The following NSL1 variants were observed in gnomAD, a reference collection of about 807,000 sequenced individuals.
NSL1 encodes the protein NSL1 component of MIS12 kinetochore complex, also known as kinetochore-associated protein NSL1 homolog.
A neutral mutation model predicts 25.4 loss-of-function variants in NSL1; 11 were observed. The observed-to-expected ratio is 0.43, with a 90% CI of 0.27 to 0.72. NSL1 has a LOEUF of 0.72. Ranked by LOEUF, NSL1 falls within the 30% of genes least tolerant of loss-of-function variation. NSL1 has a pLI of 0.19. For synonymous variants in NSL1, 118 were observed against 120.6 expected (o/e 0.98, Z 0.14); for missense variants, 330 against 342.7 (o/e 0.96, Z 0.29).
Position 212,729,494 on chromosome 1 carries a change from T to C in NSL1, c.*8914A>G. 1 of 985,408 alleles carries C rather than the reference T, an allele frequency of 1.0e-6. No individual in the cohort carries two copies. Among genetic ancestry groups the C allele is most frequent in the Non-Finnish European group, 1.2e-6 (1 of 829,908 alleles). The allele number at this position is 985,408 out of a possible 1,614,324, so 61.0% of individuals were successfully genotyped here. The stretch of plus-strand genomic sequence containing the variant: ...ATGGCTGGGAAAGATCCTGAGGCTC[T>C]GGAGCTGGGGTGTATGGGACCTGGA... On this transcript the variant is annotated 3_prime_UTR_variant, in exon 6 of 6. Transcript: ENST00000366977.
At position 212,736,910 on chromosome 1, in the gene NSL1, C is replaced by T; in HGVS notation, c.*1498G>A. ...ACCATGTTCTTATATAATCAAAATGCAAGTAGCTTATATAATCTAATAGAA... is the reference window on the plus strand; with the variant it reads ...ACCATGTTCTTATATAATCAAAATGTAAGTAGCTTATATAATCTAATAGAA... On this transcript the variant is annotated 3_prime_UTR_variant, in exon 6 of 6. Transcript: ENST00000366977. The T allele has an allele frequency of 1.0e-6, 1 of 984,292 alleles. No homozygotes were observed. The highest frequency in any genetic ancestry group is 1.7e-5 in the African/African-American group (1 of 57,320). 61.0% of individuals were successfully genotyped at this position (984,292 alleles called of 1,614,324 possible).
rs547434916 is a variant in NSL1 at position 212,726,953 on chromosome 1, G to A, written c.*11455C>T. Reference sequence around the variant, plus strand: ...TTCCCGTCCTGTCTCTTCATGGTGGGTGAAGAGCACAGGGAGAGTGTGCTT... The same window carrying A: ...TTCCCGTCCTGTCTCTTCATGGTGGATGAAGAGCACAGGGAGAGTGTGCTT... On this transcript the variant is annotated 3_prime_UTR_variant, in exon 6 of 6. Coordinates refer to ENST00000366977, the MANE Select transcript of NSL1 (RefSeq NM_015471.4). The A allele has an allele frequency of 2.7e-5, 15 of 545,826 alleles. No homozygotes were observed. In the South Asian group the frequency reaches 4.1e-4, roughly 15 times the overall value. 33.8% of individuals were successfully genotyped at this position (545,826 alleles called of 1,614,324 possible). A position where few individuals can be genotyped will look rare whatever the true frequency, so the allele number is the denominator to read the frequency against.
rs1326307557 is a variant in NSL1, at chr1:212,733,274, A to C, written c.*5134T>G. 6.6e-6 allele frequency among the ~76,000 whole-genome samples: 1 copy of C among 152,078 alleles called. No homozygotes were observed. Among genetic ancestry groups the C allele is most frequent in the African/African-American group, 2.4e-5 (1 of 41,402 alleles). On this transcript the variant is annotated 3_prime_UTR_variant, in exon 6 of 6. Transcript: ENST00000366977. ...TAGCGAAACTCCGTCTCTACAAAAA[A>C]TACAAAAATTAGCTGGGCATGATGG...
At chr1:212,771,990 C>A (rs1348710655) in intron 4 of NSL1, among the ~76,000 whole-genome samples, 1 of 152,144 alleles carries the variant, frequency 6.6e-6, no homozygotes, top group Non-Finnish European at 1.5e-5. Flanking sequence ...CTCCATACTG[C>A]TCTTGTAACA....
intron 4 of NSL1, among the ~76,000 whole-genome samples, chr1:212,755,201 C>T (rs904969786): frequency 8.5e-5 from 13 of 152,070 alleles, no homozygotes; most frequent in African/African-American, 3.1e-4. Context: ...AAATGCTACA[C>T]AGCTCCAATA....
chr1:212,759,680 C>T (rs893836802), intron 4 of NSL1, among the ~76,000 whole-genome samples: 1 of 152,150 alleles, frequency 6.6e-6, no homozygotes, highest in African/African-American at 2.4e-5. Context: ...GCCCAAAAGC[C>T]CCTACATCTC....
chr1:212,786,109 C>G (rs1467204979), intron 2 of NSL1, among the ~76,000 whole-genome samples: 1 of 138,528 alleles, frequency 7.2e-6, no homozygotes, highest in Admixed American at 7.1e-5. Context: ...CCTTTCCTCC[C>G]TCCTTCTTTC....
At position 212,737,315 on chromosome 1, in the gene NSL1, G is replaced by A. The variant is rs1444877079; in HGVS notation, c.*1093C>T. ...CTTCTGGTGACTTCTGGTGAATCTAGACATTTATGATTATTAATACATAAT... is the reference window on the plus strand; with the variant it reads ...CTTCTGGTGACTTCTGGTGAATCTAAACATTTATGATTATTAATACATAAT... On this transcript the variant is annotated 3_prime_UTR_variant, in exon 6 of 6. Transcript: ENST00000366977. 4 of 984,940 alleles carry A rather than the reference G, an allele frequency of 4.1e-6. No individual in the cohort carries two copies. The African/African-American group carries it at 7.0e-5, about 17-fold the overall frequency. The allele number at this position is 984,940 out of a possible 1,614,324, so 61.0% of individuals were successfully genotyped here.
rs79985584 is a variant in NSL1, at chr1:212,785,627, G to A, written c.314-1134C>T. Among the ~76,000 whole-genome samples the A allele has an allele frequency of 2.0e-5, 3 of 152,250 alleles. No homozygotes were observed. In the East Asian group the frequency reaches 5.8e-4, roughly 29 times the overall value. ...GGAGTACAGAATTTTGATTCAGTAA[G>A]TCTGAGATGGGGCCCAGAAATGAAG... On this transcript the variant is annotated intron_variant, in intron 2 of 5. Coordinates refer to ENST00000366977, the MANE Select transcript of NSL1 (RefSeq NM_015471.4).
Position 212,736,068 on chromosome 1 carries a change from C to T in NSL1, c.*2340G>A. On this transcript the variant is annotated 3_prime_UTR_variant, in exon 6 of 6. Transcript: ENST00000366977. ...TTATTATTATTTTGAAACAGGGTCTCACTCTGTCACCCAGGCTGGAGTACA... is the reference window on the plus strand; with the variant it reads ...TTATTATTATTTTGAAACAGGGTCTTACTCTGTCACCCAGGCTGGAGTACA... 1 of 975,844 alleles carries T rather than the reference C, an allele frequency of 1.0e-6. No homozygotes were observed. 60.4% of individuals were successfully genotyped at this position (975,844 alleles called of 1,614,324 possible).
chr1:212,759,884 T>C (rs538938099), intron 4 of NSL1, among the ~76,000 whole-genome samples: 84 of 152,044 alleles, frequency 5.5e-4, no homozygotes, highest in Middle Eastern at 3.4e-3. Flanking sequence ...AAGCGCACAC[T>C]CCTCAGAGCC....
chr1:212,785,861 T>C (rs1438695322), intron 2 of NSL1, among the ~76,000 whole-genome samples: 3 of 152,206 alleles, frequency 2.0e-5, no homozygotes, highest in Non-Finnish European at 1.5e-5. Context: ...AAATCTAACA[T>C]CTGAAACATA....
intron 4 of NSL1, among the ~76,000 whole-genome samples, chr1:212,778,932 G>A (rs1332234471): frequency 4.7e-5 from 7 of 150,498 alleles, no homozygotes; most frequent in South Asian, 2.1e-4. Context: ...CTGCCCAGCC[G>A]CCATCCCATC....
rs375294813 is a variant in NSL1 at position 212,789,608 on chromosome 1, T to A, written c.234+1922A>T. Among the ~76,000 whole-genome samples the A allele has an allele frequency of 5.4e-4, 82 of 152,390 alleles. No individual in the cohort carries two copies. In the South Asian group the frequency reaches 0.017, roughly 32 times the overall value. On this transcript the variant is annotated intron_variant, in intron 1 of 5. Transcript: ENST00000366977. Reference sequence around the variant, plus strand: ...ATTCATTGCAGACTGCTACCAATACTGTTTTTAAAGAAAATCTGCTACTTA... The same window carrying A: ...ATTCATTGCAGACTGCTACCAATACAGTTTTTAAAGAAAATCTGCTACTTA...
chr1:212,772,481 T>G (rs1485539640), intron 4 of NSL1, among the ~76,000 whole-genome samples: 1 of 151,834 alleles, frequency 6.6e-6, no homozygotes, highest in African/African-American at 2.4e-5. Context: ...CTGGTGAAAC[T>G]CTTGTTTCTA....
At chr1:212,767,855 T>C (rs1409733842) in intron 4 of NSL1, among the ~76,000 whole-genome samples, 2 of 151,984 alleles carry the variant, frequency 1.3e-5, no homozygotes, top group African/African-American at 2.4e-5. Context: ...GAAATGCAAA[T>C]TAAAACCATA....
intron 4 of NSL1, among the ~76,000 whole-genome samples, chr1:212,745,236 G>A (rs977486022): frequency 2.7e-5 from 4 of 147,988 alleles, no homozygotes; most frequent in Admixed American, 2.0e-4. Context: ...AGTCTCAGAA[G>A]GGGAAGAGAA....
Position 212,734,933 on chromosome 1 carries a change from GAAGT to G in NSL1, c.*3471_*3474del, listed in dbSNP as rs1288417004. On this transcript the variant is annotated 3_prime_UTR_variant, in exon 6 of 6. Transcript: ENST00000366977. ...AGTGTTTTCATTTCCTTTATCAAAA[GAAGT>G]AATAACAGTGATCATAGAGTACTCA... Among the ~76,000 whole-genome samples, 2 of 152,172 alleles carry G rather than the reference GAAGT, an allele frequency of 1.3e-5. No homozygotes were observed. The highest frequency in any genetic ancestry group is 6.5e-5 in the Admixed American group (1 of 15,276).
intron 3 of NSL1, among the ~76,000 whole-genome samples, chr1:212,783,107 G>A (rs1390085780): frequency 2.6e-5 from 4 of 152,206 alleles, no homozygotes; most frequent in Non-Finnish European, 5.9e-5. Flanking sequence ...AGGAGTCTGA[G>A]ACCAGTCTGA....
Sources: allele counts gnomAD v4.1 joint callset (sites outside exome capture counted in the v4.1 genomes callset), GRCh38; gene constraint gnomAD v4.1.1; transcripts MANE v1.5; gene names NCBI Gene and HGNC (gene_info 2026-07-23, HGNC 2026-07-21).